The following NUBPL variants were observed in gnomAD, a reference collection of about 807,000 sequenced individuals.
The protein encoded by NUBPL is NUBP iron-sulfur cluster assembly factor, mitochondrial, also known as iron-sulfur cluster transfer protein NUBPL.
NUBPL carries 31 observed loss-of-function variants against 45.7 expected under a neutral mutation model. The ratio of observed to expected loss-of-function variants is 0.68; its 90% CI spans 0.51 to 0.92. The LOEUF (loss-of-function observed/expected upper bound fraction) is 0.92. Ranked by LOEUF, NUBPL falls within the 40% of genes least tolerant of loss-of-function variation. The pLI is 0.00. For missense variants in NUBPL, 401 were observed against 398.7 expected (o/e 1.01, Z -0.05); for synonymous variants, 144 against 140.9 (o/e 1.02, Z -0.15).
chr14:31,687,395 T>C (rs980466407), intron 6 of NUBPL, among the ~76,000 whole-genome samples: 3 of 152,208 alleles, frequency 2.0e-5, no homozygotes, highest in East Asian at 1.9e-4. Flanking sequence ...TATACACAAA[T>C]CTATTATAAA....
chr14:31,849,665 G>C (rs2040507358), intron 9 of NUBPL, among the ~76,000 whole-genome samples: 1 of 152,150 alleles, frequency 6.6e-6, no homozygotes, highest in African/African-American at 2.4e-5. Flanking sequence ...CCAGTTCTTT[G>C]AGCTCACTCC....
intron 3 of NUBPL, among the ~76,000 whole-genome samples, chr14:31,587,154 G>C (rs972138923): frequency 1.3e-5 from 2 of 152,092 alleles, no homozygotes; most frequent in Non-Finnish European, 2.9e-5. Flanking sequence ...TTTAGGTCTG[G>C]GATTTGACCA....
intron 4 of NUBPL, among the ~76,000 whole-genome samples, chr14:31,621,028 G>A (rs534567051): frequency 5.7e-4 from 87 of 152,328 alleles, no homozygotes; most frequent in African/African-American, 2.0e-3. Flanking sequence ...CAGCATTGCT[G>A]AGCTGCGGTG....
At chr14:31,620,645 C>A (rs1220839472) in intron 4 of NUBPL, among the ~76,000 whole-genome samples, 1 of 152,174 alleles carries the variant, frequency 6.6e-6, no homozygotes, top group South Asian at 2.1e-4. Context: ...CATGTTTCTT[C>A]CTGTGGAAGC....
intron 6 of NUBPL, among the ~76,000 whole-genome samples, chr14:31,758,595 T>C (rs1207350773): frequency 6.6e-6 from 1 of 152,170 alleles, no homozygotes; most frequent in Non-Finnish European, 1.5e-5. Flanking sequence ...GATATGAAAA[T>C]TGGGTAATAG....
At chr14:31,691,231 A>G (rs986948153) in intron 6 of NUBPL, among the ~76,000 whole-genome samples, 1 of 152,232 alleles carries the variant, frequency 6.6e-6, no homozygotes, top group Non-Finnish European at 1.5e-5. Context: ...GATCACGAGG[A>G]TGAAGACTTT....
rs2033306018 is a variant in NUBPL at position 31,562,211 on chromosome 14, A to G, written c.252A>G (p.Thr84=). ...AGGGTGGAGTCGGAAAATCTACTAC[A>G]GCAGGTATTATAGGATATTAATTCT... ...SGKGGVGKST[T]AVNLALALAA... is the part of the protein sequence containing the mutation. Residue 84 remains threonine (T), a synonymous_variant, in exon 2 of 11, where the codon ACA becomes ACG. Transcript: ENST00000281081. 1 of 1,613,550 alleles carries G rather than the reference A, an allele frequency of 6.2e-7. No individual in the cohort carries two copies. Among genetic ancestry groups the G allele is most frequent in the Admixed American group, 1.7e-5 (1 of 60,004 alleles).
chr14:31,649,218 TA>T (rs1335003731), intron 4 of NUBPL, among the ~76,000 whole-genome samples: 1 of 152,252 alleles, frequency 6.6e-6, no homozygotes, highest in Non-Finnish European at 1.5e-5. Flanking sequence ...ACCTTTAAGA[TA>T]ATTGGATTTA....
intron 6 of NUBPL, among the ~76,000 whole-genome samples, chr14:31,674,008 A>T (rs1033824137): frequency 1.8e-4 from 28 of 152,138 alleles, no homozygotes; most frequent in African/African-American, 6.8e-4. Context: ...AAAAAGTAAA[A>T]TTTTGTTTTG....
At chr14:31,762,742 T>C (rs1289291765) in intron 6 of NUBPL, among the ~76,000 whole-genome samples, 1 of 152,110 alleles carries the variant, frequency 6.6e-6, no homozygotes, top group Non-Finnish European at 1.5e-5. Flanking sequence ...TGCTAATGGG[T>C]GTGGCATAGC....
intron 6 of NUBPL, among the ~76,000 whole-genome samples, chr14:31,705,824 C>A (rs542459740): frequency 6.6e-6 from 1 of 152,324 alleles, no homozygotes; most frequent in South Asian, 2.1e-4. Context: ...AGCCCGGGCA[C>A]TCTGGCAGCC....
chr14:31,729,610 G>A (rs945379538), intron 6 of NUBPL, among the ~76,000 whole-genome samples: 1 of 151,888 alleles, frequency 6.6e-6, no homozygotes, highest in Non-Finnish European at 1.5e-5. Flanking sequence ...GCCTTTATAT[G>A]TATTTTGTTA....
chr14:31,705,276 A>G (rs1406183253), intron 6 of NUBPL, among the ~76,000 whole-genome samples: 1 of 152,144 alleles, frequency 6.6e-6, no homozygotes, highest in Admixed American at 6.5e-5. Flanking sequence ...GGCGGTGCAG[A>G]CCCAGAGTGA....
intron 7 of NUBPL, among the ~76,000 whole-genome samples, chr14:31,800,135 A>C (rs1374072435): frequency 1.3e-5 from 2 of 152,138 alleles, no homozygotes; most frequent in Non-Finnish European, 1.5e-5. Flanking sequence ...CAATTCAATC[A>C]CATCTTCAGA....
chr14:31,561,406 T>C lies in NUBPL; in HGVS notation c.-34T>C, dbSNP rs2033269616. 3 of 1,258,104 alleles carry C rather than the reference T, an allele frequency of 2.4e-6. No homozygotes were observed. The highest frequency in any genetic ancestry group is 3.1e-6 in the Non-Finnish European group (3 of 970,614). The allele number at this position is 1,258,104 out of a possible 1,614,324, so 77.9% of individuals were successfully genotyped here. A position where few individuals can be genotyped will look rare whatever the true frequency, so the allele number is the denominator to read the frequency against. ...CATCACTCCGCGCCACCCGCGACAG[T>C]TTCCCAGCAGGGCTCACAGCAGCGT... On this transcript the variant is annotated 5_prime_UTR_variant, in exon 1 of 11. Coordinates refer to ENST00000281081, the MANE Select transcript of NUBPL (RefSeq NM_025152.3).
chr14:31,668,753 G>A (rs978087098), intron 4 of NUBPL, among the ~76,000 whole-genome samples: 6 of 152,164 alleles, frequency 3.9e-5, no homozygotes, highest in Non-Finnish European at 7.3e-5. Context: ...TAGCTGAGCC[G>A]GATGGCACAG....
chr14:31,564,512 A>C lies in NUBPL; in HGVS notation c.257-502A>C, dbSNP rs1163578015. ...ATGGCAAGACCCTGTCTGTAAAAAA[A>C]AAAAAAAAAAAAAAAAATGAGCTGG... On this transcript the variant is annotated intron_variant, in intron 2 of 10. Coordinates refer to ENST00000281081, the MANE Select transcript of NUBPL (RefSeq NM_025152.3). Among the ~76,000 whole-genome samples the C allele has an allele frequency of 2.0e-5, 3 of 151,204 alleles. No homozygotes were observed. In the East Asian group the frequency reaches 5.8e-4, roughly 29 times the overall value.
At chr14:31,569,080 G>A (rs2033512809) in intron 3 of NUBPL, among the ~76,000 whole-genome samples, 2 of 152,136 alleles carry the variant, frequency 1.3e-5, no homozygotes, top group Non-Finnish European at 2.9e-5. Flanking sequence ...ACTGATTGGG[G>A]TACATGATCA....
At chr14:31,837,001 G>T (rs1166954871) in intron 8 of NUBPL, among the ~76,000 whole-genome samples, 2 of 152,048 alleles carry the variant, frequency 1.3e-5, no homozygotes, top group Admixed American at 1.3e-4. Flanking sequence ...ACAGAAACTT[G>T]GTAGTTTATC....
Sources: allele counts gnomAD v4.1 joint callset (sites outside exome capture counted in the v4.1 genomes callset), GRCh38; gene constraint gnomAD v4.1.1; transcripts MANE v1.5; gene names NCBI Gene and HGNC (gene_info 2026-07-23, HGNC 2026-07-21).